INPP4B: variants seen among roughly 807,000 people sequenced by gnomAD.
The protein encoded by INPP4B is inositol polyphosphate 4-phosphatase type II.
A neutral mutation model predicts 122.5 loss-of-function variants in INPP4B; 55 were observed. The observed-to-expected ratio is 0.45, with a 90% CI of 0.36 to 0.56. The LOEUF (loss-of-function observed/expected upper bound fraction) is 0.56, where lower values mean the gene tolerates loss of function less well. INPP4B is among the 20% of genes least tolerant of loss of function. The pLI, the probability that INPP4B is intolerant of heterozygous loss-of-function variation, is 0.00. For missense variants in INPP4B, 1,000 were observed against 1,097.7 expected (o/e 0.91, Z 1.26); for synonymous variants, 403 against 388.7 (o/e 1.04, Z -0.43).
chr4:142,097,409 C>A (rs1782426539), intron 23 of INPP4B, among the ~76,000 whole-genome samples: 1 of 151,250 alleles, frequency 6.6e-6, no homozygotes. Flanking sequence ...TGCCTGCAAC[C>A]ATGCCTGGCT....
intron 25 of INPP4B, among the ~76,000 whole-genome samples, chr4:142,038,724 G>C (rs2152316309): frequency 6.6e-6 from 1 of 152,318 alleles, no homozygotes; most frequent in Admixed American, 6.5e-5. Flanking sequence ...TGATTAAGTG[G>C]TTGTTGATTT....
At chr4:142,475,882 TGAAA>T (rs1203780143) in intron 2 of INPP4B, among the ~76,000 whole-genome samples, 41 of 152,268 alleles carry the variant, frequency 2.7e-4, no homozygotes, top group African/African-American at 9.9e-4. Flanking sequence ...TTGGCATCAC[TGAAA>T]GAGAGAAGCA....
At chr4:142,169,204 A>G (rs1824327643) in intron 16 of INPP4B, among the ~76,000 whole-genome samples, 1 of 151,798 alleles carries the variant, frequency 6.6e-6, no homozygotes, top group Non-Finnish European at 1.5e-5. Flanking sequence ...TATTTCACCA[A>G]TTAAATAATT....
Position 142,117,898 on chromosome 4 carries a change from C to T in INPP4B, c.2135+4230G>A, listed in dbSNP as rs868269555. On this transcript the variant is annotated intron_variant, in intron 21 of 25. Transcript: ENST00000262992. ...TGATTGTATATCTAGAAAACCCCAT[C>T]GTCTAAGCCCAAAATTTCCTTAAGC... Among the ~76,000 whole-genome samples, 14 of 152,204 alleles carry T rather than the reference C, an allele frequency of 9.2e-5. No homozygotes were observed. In the East Asian group the frequency reaches 1.5e-3, roughly 17 times the overall value.
chr4:142,243,897 TTTATTA>T (rs5862580), intron 11 of INPP4B, among the ~76,000 whole-genome samples: 18 of 148,944 alleles, frequency 1.2e-4, no homozygotes, highest in South Asian at 4.3e-4. Flanking sequence ...TAGAACAAAC[TTTATTA>T]TTATTATTAT....
chr4:142,444,956 T>G (rs966210301), intron 3 of INPP4B, among the ~76,000 whole-genome samples: 1 of 151,122 alleles, frequency 6.6e-6, no homozygotes, highest in South Asian at 2.1e-4. Flanking sequence ...TAAGTGGGAG[T>G]TGAACAATGA....
At chr4:142,359,004 A>G (rs1033648232) in intron 7 of INPP4B, among the ~76,000 whole-genome samples, 8 of 152,002 alleles carry the variant, frequency 5.3e-5, no homozygotes, top group African/African-American at 1.9e-4. Flanking sequence ...TGACCTAGGT[A>G]CTGCAATACT....
intron 12 of INPP4B, among the ~76,000 whole-genome samples, chr4:142,221,327 GA>G (rs1347903321): frequency 1.4e-5 from 2 of 143,404 alleles, no homozygotes; most frequent in African/African-American, 5.2e-5. Flanking sequence ...GTGAACCCGG[GA>G]GTAGTGAGCC....
chr4:142,397,349 CAT>C (rs1186848477), intron 7 of INPP4B, among the ~76,000 whole-genome samples: 1 of 152,124 alleles, frequency 6.6e-6, no homozygotes, highest in African/African-American at 2.4e-5. Context: ...AAGTTTGAGA[CAT>C]AAACTCAGGT....
intron 2 of INPP4B, among the ~76,000 whole-genome samples, chr4:142,565,777 A>G (rs575462653): frequency 2.0e-5 from 3 of 152,222 alleles, no homozygotes; most frequent in Non-Finnish European, 4.4e-5. Flanking sequence ...CCAAGTGATC[A>G]AAGTTAACAT....
chr4:142,397,588 C>A (rs1799754541), intron 7 of INPP4B, among the ~76,000 whole-genome samples: 1 of 152,092 alleles, frequency 6.6e-6, no homozygotes, highest in African/African-American at 2.4e-5. Flanking sequence ...GCCTGTAATC[C>A]CAGCACTTTG....
At chr4:142,382,932 A>C (rs1448445842) in intron 7 of INPP4B, among the ~76,000 whole-genome samples, 1 of 151,924 alleles carries the variant, frequency 6.6e-6, no homozygotes, top group African/African-American at 2.4e-5. Context: ...GAAATAATTT[A>C]AGCATTTAAT....
At chr4:142,309,834 T>C in intron 8 of INPP4B, among the ~76,000 whole-genome samples, 1 of 152,048 alleles carries the variant, frequency 6.6e-6, no homozygotes. Context: ...AGCTGGAGAG[T>C]AATATCAAAC....
chr4:142,585,877 T>TTATTAC (rs1553963718), intron 2 of INPP4B, among the ~76,000 whole-genome samples: 208 of 150,596 alleles, frequency 1.4e-3, no homozygotes, highest in African/African-American at 5.0e-3. Flanking sequence ...ATTATTATTA[T>TTATTAC]ACTTTAAGTT....
chr4:142,405,388 C>A (rs902764681), intron 5 of INPP4B, 64 bp from the exon 6 acceptor site: 1 of 1,015,952 alleles, frequency 9.8e-7, no homozygotes. Context: ...AAAACTTCTG[C>A]GCCGGGCTGA....
chr4:142,199,002 C>T (rs1037455575), intron 14 of INPP4B, among the ~76,000 whole-genome samples: 4 of 151,976 alleles, frequency 2.6e-5, no homozygotes, highest in African/African-American at 7.2e-5. Context: ...GAAATACTTA[C>T]TTCTTCCTCT....
intron 21 of INPP4B, among the ~76,000 whole-genome samples, chr4:142,114,953 GAGA>G (rs1172246068): frequency 2.6e-5 from 4 of 152,006 alleles, no homozygotes; most frequent in African/African-American, 4.8e-5. Flanking sequence ...AAACAGTATA[GAGA>G]AGACCTTAAA....
intron 2 of INPP4B, among the ~76,000 whole-genome samples, chr4:142,692,815 G>A (rs1161881034): frequency 2.0e-5 from 3 of 151,850 alleles, no homozygotes; most frequent in Non-Finnish European, 4.4e-5. Context: ...TAAACTCTTT[G>A]TCCCTGGCAA....
intron 18 of INPP4B, among the ~76,000 whole-genome samples, chr4:142,133,620 C>T (rs555518481): frequency 6.6e-6 from 1 of 152,292 alleles, no homozygotes; most frequent in African/African-American, 2.4e-5. Context: ...GTAAAAACAA[C>T]ATTTACACAA....
Sources: allele counts gnomAD v4.1 joint callset (sites outside exome capture counted in the v4.1 genomes callset), GRCh38; gene constraint gnomAD v4.1.1; transcripts MANE v1.5; gene names NCBI Gene and HGNC (gene_info 2026-07-23, HGNC 2026-07-21).